The following BAIAP2L1 variants were observed in gnomAD, a reference collection of about 807,000 sequenced individuals.
BAIAP2L1 encodes the protein BAR/IMD domain-containing adapter protein 2-like 1.
A neutral mutation model predicts 66.3 loss-of-function variants in BAIAP2L1; 35 were observed. The ratio of observed to expected loss-of-function variants is 0.53; its 90% CI spans 0.40 to 0.70. The LOEUF (loss-of-function observed/expected upper bound fraction) is 0.70, where lower values mean the gene tolerates loss of function less well. Ranked by LOEUF, BAIAP2L1 falls within the 30% of genes least tolerant of loss-of-function variation. BAIAP2L1 has a pLI of 0.00. For missense variants in BAIAP2L1, 622 were observed against 656.9 expected (o/e 0.95, Z 0.58); for synonymous variants, 269 against 248.7 (o/e 1.08, Z -0.77).
chr7:98,364,164 A>G (rs554598350), intron 1 of BAIAP2L1, among the ~76,000 whole-genome samples: 1 of 152,160 alleles, frequency 6.6e-6, no homozygotes, highest in Non-Finnish European at 1.5e-5. Context: ...TTTGCTGATG[A>G]AACTATAGTC....
At chr7:98,385,524 G>A (rs1313407108) in intron 1 of BAIAP2L1, among the ~76,000 whole-genome samples, 3 of 151,738 alleles carry the variant, frequency 2.0e-5, no homozygotes, top group African/African-American at 4.8e-5. Context: ...GGACTCAAGC[G>A]ATTCAGCCTC....
At chr7:98,314,595 G>A (rs570546345) in intron 7 of BAIAP2L1, among the ~76,000 whole-genome samples, 4 of 152,348 alleles carry the variant, frequency 2.6e-5, no homozygotes, top group Admixed American at 2.0e-4. Context: ...TGTGTTGGAA[G>A]GAGGGTGATG....
intron 1 of BAIAP2L1, among the ~76,000 whole-genome samples, chr7:98,366,415 C>T (rs1802391083): frequency 6.6e-6 from 1 of 152,152 alleles, no homozygotes; most frequent in South Asian, 2.1e-4. Flanking sequence ...CCTTCTGCGG[C>T]CCAGTCCTCA....
At chr7:98,300,610 C>T (rs1297466929) in intron 12 of BAIAP2L1, among the ~76,000 whole-genome samples, 1 of 152,206 alleles carries the variant, frequency 6.6e-6, no homozygotes, top group African/African-American at 2.4e-5. Flanking sequence ...TCTTCTGTGC[C>T]TCCCTTTCTC....
chr7:98,371,884 T>A (rs955658748), intron 1 of BAIAP2L1, among the ~76,000 whole-genome samples: 3 of 151,358 alleles, frequency 2.0e-5, no homozygotes, highest in African/African-American at 7.3e-5. Flanking sequence ...AAGCTCCGCC[T>A]CCCGGGTTCA....
intron 1 of BAIAP2L1, among the ~76,000 whole-genome samples, chr7:98,368,100 T>C (rs1802429078): frequency 6.6e-6 from 1 of 152,118 alleles, no homozygotes; most frequent in Non-Finnish European, 1.5e-5. Flanking sequence ...CAATCTATGA[T>C]TCTGTCATTG....
At chr7:98,307,998 A>G (rs1053403996) in intron 9 of BAIAP2L1, 102 bp from the exon 10 acceptor site, 3 of 1,120,758 alleles carry the variant, frequency 2.7e-6, no homozygotes, top group Non-Finnish European at 4.1e-6. Flanking sequence ...TCATCTTGCC[A>G]ACAATGCTCC....
chr7:98,319,612 T>C (rs1801186201), intron 5 of BAIAP2L1, among the ~76,000 whole-genome samples: 1 of 148,946 alleles, frequency 6.7e-6, no homozygotes, highest in Admixed American at 6.9e-5. Context: ...AGTGGCGCAA[T>C]CTTGGCTCAC....
intron 7 of BAIAP2L1, among the ~76,000 whole-genome samples, chr7:98,314,314 T>C (rs980133198): frequency 6.6e-6 from 1 of 152,204 alleles, no homozygotes; most frequent in African/African-American, 2.4e-5. Context: ...AAAAAGTTTA[T>C]AGAAAATACA....
At chr7:98,350,304 G>A (rs1361610856) in intron 3 of BAIAP2L1, among the ~76,000 whole-genome samples, 1 of 151,884 alleles carries the variant, frequency 6.6e-6, no homozygotes, top group African/African-American at 2.4e-5. Flanking sequence ...AGAAAGATGA[G>A]CAGGGGAAAT....
chr7:98,316,297 G>C (rs769906373), intron 6 of BAIAP2L1, among the ~76,000 whole-genome samples: 1 of 151,996 alleles, frequency 6.6e-6, no homozygotes, highest in Non-Finnish European at 1.5e-5. Flanking sequence ...GCCCAGTCTC[G>C]GGGTATGTCT....
intron 1 of BAIAP2L1, among the ~76,000 whole-genome samples, chr7:98,385,574 G>A (rs1274428137): frequency 1.3e-5 from 2 of 151,612 alleles, no homozygotes; most frequent in Non-Finnish European, 2.9e-5. Flanking sequence ...CCCATGCCCA[G>A]TTAATTTTTT....
intron 12 of BAIAP2L1, among the ~76,000 whole-genome samples, 183 bp downstream of exon 12, chr7:98,304,013 G>C (rs1418357246): frequency 6.6e-6 from 1 of 152,170 alleles, no homozygotes; most frequent in African/African-American, 2.4e-5. Context: ...GAGGTGAAAG[G>C]CTGCATGACA....
chr7:98,322,693 G>A (rs1320571392), intron 3 of BAIAP2L1, among the ~76,000 whole-genome samples: 1 of 152,090 alleles, frequency 6.6e-6, no homozygotes, highest in Non-Finnish European at 1.5e-5. Flanking sequence ...CACCACGTGG[G>A]CTTTCGAGGA....
chr7:98,370,485 C>T (rs571000652), intron 1 of BAIAP2L1, among the ~76,000 whole-genome samples: 2 of 151,668 alleles, frequency 1.3e-5, no homozygotes, highest in East Asian at 3.9e-4. Context: ...GGTTCAGCTA[C>T]AGAAATGTTC....
rs1328111026 is a variant in BAIAP2L1, at chr7:98,376,231, C to T, written c.52-13799G>A. On this transcript the variant is annotated intron_variant, in intron 1 of 13. Transcript: ENST00000005260. ...ATTAAACACTAATCTAGGCTAGGCACGGGAGCTCATACCTGTAATCCCAGC... is the reference window on the plus strand; with the variant it reads ...ATTAAACACTAATCTAGGCTAGGCATGGGAGCTCATACCTGTAATCCCAGC... Among the ~76,000 whole-genome samples the T allele has an allele frequency of 5.3e-5, 8 of 151,906 alleles. 1 individual carries two copies. The highest frequency in any genetic ancestry group is 1.2e-4 in the Non-Finnish European group (8 of 68,004).
In BAIAP2L1 at chr7:98,374,761, T is replaced by TA. The variant is rs1036736967; in HGVS notation, c.52-12330dup. Among the ~76,000 whole-genome samples the TA allele has an allele frequency of 5.0e-4, 76 of 151,616 alleles. 1 individual carries two copies. Among genetic ancestry groups the TA allele is most frequent in the Middle Eastern group, 3.4e-3 (1 of 294 alleles). ...CTGACCCTCTCTCTCTTCTTTCCCA[T>TA]AAAAAAAATAAAATAAAATGGAAGA... is the stretch of plus-strand genomic sequence containing the variant. On this transcript the variant is annotated intron_variant, in intron 1 of 13. Transcript: ENST00000005260.
At chr7:98,369,167 A>G (rs918209558) in intron 1 of BAIAP2L1, among the ~76,000 whole-genome samples, 4 of 152,112 alleles carry the variant, frequency 2.6e-5, no homozygotes, top group Non-Finnish European at 4.4e-5. Flanking sequence ...ATTAAAAGAC[A>G]AAACTATTTT....
At chr7:98,319,908 G>T (rs1435981667) in intron 5 of BAIAP2L1, 150 bp downstream of exon 5, 2 of 714,936 alleles carry the variant, frequency 2.8e-6, no homozygotes, top group Non-Finnish European at 4.9e-6. Context: ...ACAGCCCAAA[G>T]AGAGCTTGTC....
Sources: gnomAD v4.1 joint callset for allele counts (sites outside exome capture counted in the v4.1 genomes callset) on GRCh38, gnomAD v4.1.1 for gene constraint, MANE v1.5 for transcripts, NCBI Gene and HGNC (gene_info 2026-07-23, HGNC 2026-07-21) for gene names.